AGBL1: variants seen among roughly 807,000 people sequenced by gnomAD.
AGBL1 encodes the protein AGBL carboxypeptidase 1.
AGBL1 carries 130 observed loss-of-function variants against 118.9 expected under a neutral mutation model. That is an observed-to-expected ratio of 1.09 (90% confidence interval 0.95 to 1.26). AGBL1 has a LOEUF of 1.26. AGBL1 is among the 50% of genes most tolerant of loss of function. AGBL1 has a pLI of 0.00. For synonymous variants in AGBL1, 555 were observed against 478.9 expected (o/e 1.16, Z -2.08); for missense variants, 1,584 against 1,298.1 (o/e 1.22, Z -3.38).
chr15:86,338,308 G>C (rs1396401957), intron 17 of AGBL1, among the ~76,000 whole-genome samples: 1 of 152,048 alleles, frequency 6.6e-6, no homozygotes, highest in African/African-American at 2.4e-5. Flanking sequence ...TAATCAGGGA[G>C]GTCAGGTGGC....
At chr15:86,383,247 T>TAA (rs4035838) in intron 17 of AGBL1, among the ~76,000 whole-genome samples, 709 of 54,476 alleles carry the variant, frequency 0.013, 22 homozygotes, top group East Asian at 0.029. Flanking sequence ...ATTCAGTATG[T>TAA]AAAAAAAAAA....
intron 5 of AGBL1, among the ~76,000 whole-genome samples, chr15:86,214,353 G>A (rs1050015444): frequency 1.2e-4 from 18 of 152,148 alleles, no homozygotes; most frequent in African/African-American, 4.3e-4. Flanking sequence ...GTGGTATAGT[G>A]AATATTCTAT....
chr15:86,235,807 T>C (rs964397371), intron 6 of AGBL1, among the ~76,000 whole-genome samples: 2 of 152,218 alleles, frequency 1.3e-5, no homozygotes, highest in Admixed American at 6.5e-5. Flanking sequence ...CTGGAGACAT[T>C]TGTGGTTGTC....
At position 86,240,052 on chromosome 15, in the gene AGBL1, G is replaced by A. The variant is rs143272602; in HGVS notation, c.527-7619G>A. Among the ~76,000 whole-genome samples the A allele has an allele frequency of 7.2e-5, 11 of 152,314 alleles. No homozygotes were observed. In the East Asian group the frequency reaches 2.1e-3, roughly 29 times the overall value. ...CTACCATGGGATATTAACCTTTGGA[G>A]TCAGATGAGGGGATTTCATTTGAAT... On this transcript the variant is annotated intron_variant, in intron 6 of 22. Transcript: ENST00000614907.
At chr15:87,028,354 A>ATCACTTACTTACTTAGT (rs2081754570) in intron 24 of AGBL1, among the ~76,000 whole-genome samples, 1 of 152,000 alleles carries the variant, frequency 6.6e-6, no homozygotes, top group Non-Finnish European at 1.5e-5. Context: ...TGACCCATAT[A>ATCACTTACTTACTTAGT]GACTCAAACG....
intron 1 of AGBL1, among the ~76,000 whole-genome samples, chr15:86,105,508 G>A (rs565617547): frequency 1.3e-5 from 2 of 152,286 alleles, no homozygotes; most frequent in African/African-American, 2.4e-5. Context: ...AGGCTTCTTG[G>A]CCTCTATCAT....
chr15:86,590,527 T>G (rs901767991), intron 21 of AGBL1, among the ~76,000 whole-genome samples: 26 of 152,328 alleles, frequency 1.7e-4, no homozygotes, highest in African/African-American at 5.5e-4. Flanking sequence ...CAATGAAACT[T>G]CTTTTCTTTA....
At chr15:86,476,247 A>G (rs1417189685) in intron 18 of AGBL1, among the ~76,000 whole-genome samples, 1 of 152,232 alleles carries the variant, frequency 6.6e-6, no homozygotes, top group African/African-American at 2.4e-5. Context: ...CCTTAAATGT[A>G]AATGGGCTAA....
At chr15:86,137,439 C>T (rs1006205601) in intron 1 of AGBL1, among the ~76,000 whole-genome samples, 4 of 152,066 alleles carry the variant, frequency 2.6e-5, no homozygotes, top group African/African-American at 9.7e-5. Flanking sequence ...CTAAAAGTGG[C>T]TTTTTTAAGT....
chr15:87,011,694 G>A (rs984721365), intron 24 of AGBL1, among the ~76,000 whole-genome samples: 18 of 152,310 alleles, frequency 1.2e-4, no homozygotes, highest in African/African-American at 4.1e-4. Flanking sequence ...GCTCTCCACT[G>A]GAGAGGAGTT....
At chr15:86,584,467 G>T (rs1015698157) in intron 21 of AGBL1, among the ~76,000 whole-genome samples, 2 of 152,208 alleles carry the variant, frequency 1.3e-5, no homozygotes, top group Middle Eastern at 3.4e-3. Flanking sequence ...GCTTGTTTTT[G>T]TTGACTTTGT....
intron 4 of AGBL1, among the ~76,000 whole-genome samples, chr15:86,158,370 G>A (rs1025693435): frequency 1.3e-4 from 20 of 152,046 alleles, no homozygotes; most frequent in African/African-American, 4.6e-4. Context: ...TCAGATCAAG[G>A]CTAGCCTAAA....
intron 21 of AGBL1, among the ~76,000 whole-genome samples, chr15:86,650,267 A>G (rs2085348340): frequency 6.6e-6 from 1 of 152,140 alleles, no homozygotes; most frequent in Admixed American, 6.6e-5. Context: ...CCTTATTACT[A>G]AGTATGGCCA....
At chr15:86,538,487 A>T (rs1232486010) in intron 19 of AGBL1, among the ~76,000 whole-genome samples, 1 of 152,150 alleles carries the variant, frequency 6.6e-6, no homozygotes, top group Non-Finnish European at 1.5e-5. Context: ...CACCAATATC[A>T]TTTCCCTCAA....
chr15:86,232,596 C>T (rs1463346695), intron 6 of AGBL1, among the ~76,000 whole-genome samples: 3 of 152,086 alleles, frequency 2.0e-5, no homozygotes, highest in Non-Finnish European at 4.4e-5. Flanking sequence ...GTGGGAACAG[C>T]CGATGGAATT....
intron 5 of AGBL1, among the ~76,000 whole-genome samples, chr15:86,176,600 G>A (rs1376464995): frequency 6.6e-6 from 1 of 152,182 alleles, no homozygotes; most frequent in African/African-American, 2.4e-5. Context: ...CAGCCTACTT[G>A]GTGGACATGA....
intron 1 of AGBL1, among the ~76,000 whole-genome samples, chr15:86,125,191 T>A (rs916333912): frequency 1.3e-5 from 2 of 152,138 alleles, no homozygotes; most frequent in East Asian, 3.9e-4. Context: ...TCAGAAATAA[T>A]CAATAAGGTT....
intron 21 of AGBL1, among the ~76,000 whole-genome samples, chr15:86,641,657 C>T (rs956353008): frequency 8.6e-5 from 13 of 151,956 alleles, no homozygotes; most frequent in African/African-American, 3.1e-4. Context: ...CATTTCATGC[C>T]TGTAATCCTA....
At chr15:86,131,753 A>G (rs2076822385) in intron 1 of AGBL1, among the ~76,000 whole-genome samples, 1 of 152,052 alleles carries the variant, frequency 6.6e-6, no homozygotes, top group Non-Finnish European at 1.5e-5. Context: ...GTTCAAGGCC[A>G]GCCTGGGCAA....
Sources: allele counts gnomAD v4.1 joint callset (sites outside exome capture counted in the v4.1 genomes callset), GRCh38; gene constraint gnomAD v4.1.1; transcripts MANE v1.5; gene names NCBI Gene and HGNC (gene_info 2026-07-23, HGNC 2026-07-21).